FMN1: variants seen among roughly 807,000 people sequenced by gnomAD.
The protein encoded by FMN1 is formin 1, also known as formin-1.
Under a neutral mutation model 132.4 loss-of-function variants are expected in FMN1, and 110 were observed. The ratio of observed to expected loss-of-function variants is 0.83; its 90% confidence interval spans 0.71 to 0.97. The LOEUF (loss-of-function observed/expected upper bound fraction) is 0.97. Among genes scored for constraint, FMN1 ranks in the 50% least tolerant of loss-of-function variants. The pLI, the probability that FMN1 is intolerant of heterozygous loss-of-function variation, is 0.00. For missense variants in FMN1, 1,792 were observed against 1,705.3 expected (o/e 1.05, Z -0.90); for synonymous variants, 722 against 651.7 (o/e 1.11, Z -1.64).
In FMN1 at chr15:32,770,351, T is replaced by C. The variant is rs539331739; in HGVS notation, c.*3959A>G. On this transcript the variant is annotated 3_prime_UTR_variant, in exon 21 of 21. Coordinates refer to ENST00000616417, the MANE Select transcript of FMN1 (RefSeq NM_001277313.2). The stretch of plus-strand genomic sequence containing the variant: ...AGAAGCAGAAACAGAAATGAGGACA[T>C]GTAACTTTCAAGAAAGGAAGAGTAT... 2 of 152,306 alleles carry C rather than the reference T, an allele frequency of 1.3e-5. No individual in the cohort carries two copies. Among genetic ancestry groups the C allele is most frequent in the Non-Finnish European group, 2.9e-5 (2 of 68,016 alleles). 9.4% of individuals were successfully genotyped at this position (152,306 alleles called of 1,614,324 possible). A position where few individuals can be genotyped will look rare whatever the true frequency, so the allele number is the denominator to read the frequency against.
intron 9 of FMN1, among the ~76,000 whole-genome samples, chr15:32,949,980 C>CGTATATATAT (rs1567448979): frequency 1.2e-4 from 1 of 8,126 alleles, no homozygotes; most frequent in African/African-American, 4.0e-4. Context: ...CATATATATA[C>CGTATATATAT]ACACACATAT....
At chr15:33,163,894 A>G (rs1964995922) in intron 3 of FMN1, among the ~76,000 whole-genome samples, 1 of 152,232 alleles carries the variant, frequency 6.6e-6, no homozygotes, top group Non-Finnish European at 1.5e-5. Flanking sequence ...CTGGGATTAC[A>G]GGCGTAAGCC....
At chr15:32,883,156 A>T (rs2059810885) in intron 16 of FMN1, among the ~76,000 whole-genome samples, 1 of 152,150 alleles carries the variant, frequency 6.6e-6, no homozygotes, top group Non-Finnish European at 1.5e-5. Context: ...CAGTAATAGG[A>T]AGAGAAAAGG....
At position 32,915,716 on chromosome 15, in the gene FMN1, G is replaced by C. The variant is rs573048576; in HGVS notation, c.3227-5181C>G. Among the ~76,000 whole-genome samples the C allele has an allele frequency of 3.3e-5, 5 of 152,342 alleles. No homozygotes were observed. In the East Asian group the frequency reaches 9.6e-4, roughly 29 times the overall value. ...ACACTCCTGCAGATGGTGTCAGAAA[G>C]GTGAAGTGTCAAGTCCACAAAGGGG... On this transcript the variant is annotated intron_variant, in intron 10 of 20. Coordinates refer to ENST00000616417, the MANE Select transcript of FMN1 (RefSeq NM_001277313.2).
chr15:32,989,361 G>C (rs1483422130), intron 7 of FMN1, among the ~76,000 whole-genome samples: 1 of 152,208 alleles, frequency 6.6e-6, no homozygotes, highest in Non-Finnish European at 1.5e-5. Context: ...GGAAGCCTTA[G>C]GGAATTAGAG....
chr15:32,794,687 G>A (rs2057218994), intron 19 of FMN1, among the ~76,000 whole-genome samples: 1 of 152,150 alleles, frequency 6.6e-6, no homozygotes, highest in Admixed American at 6.5e-5. Flanking sequence ...TGATTTAACA[G>A]GTGGAAGAAA....
intron 4 of FMN1, among the ~76,000 whole-genome samples, chr15:33,099,221 G>A (rs531557746): frequency 3.3e-5 from 5 of 152,318 alleles, no homozygotes; most frequent in South Asian, 4.1e-4. Context: ...AGCCTGGAAG[G>A]TTGAGGCTGC....
intron 6 of FMN1, among the ~76,000 whole-genome samples, chr15:33,013,856 A>T (rs2034881302): frequency 6.6e-6 from 1 of 152,252 alleles, no homozygotes; most frequent in African/African-American, 2.4e-5. Context: ...TGAGAATAGC[A>T]TCTACATTCT....
intron 17 of FMN1, among the ~76,000 whole-genome samples, chr15:32,828,073 A>G (rs2058413756): frequency 6.6e-6 from 1 of 152,226 alleles, no homozygotes; most frequent in African/African-American, 2.4e-5. Context: ...CAGGTGGATC[A>G]CTTGAGGTTG....
chr15:32,867,685 G>A (rs1321213810), intron 16 of FMN1, among the ~76,000 whole-genome samples: 2 of 152,136 alleles, frequency 1.3e-5, no homozygotes, highest in Non-Finnish European at 1.5e-5. Context: ...TAGAGACGGG[G>A]TTTCACCATG....
chr15:32,897,560 G>C (rs1321814180), intron 15 of FMN1, among the ~76,000 whole-genome samples: 1 of 152,186 alleles, frequency 6.6e-6, no homozygotes, highest in African/African-American at 2.4e-5. Context: ...AAAACATCAG[G>C]TCTTGAGTTG....
intron 17 of FMN1, among the ~76,000 whole-genome samples, chr15:32,840,271 T>C (rs976193250): frequency 1.3e-5 from 2 of 152,140 alleles, no homozygotes; most frequent in African/African-American, 4.8e-5. Flanking sequence ...CAGAGAAAGC[T>C]GGAGGAAGAA....
intron 6 of FMN1, chr15:33,012,834 TG>T: frequency 4.8e-6 from 3 of 629,022 alleles, no homozygotes; most frequent in East Asian, 3.4e-5. Flanking sequence ...ATGGTAGCAG[TG>T]GGGGTGGCTA....
chr15:32,930,760 A>C (rs1464160933), intron 9 of FMN1, among the ~76,000 whole-genome samples: 1 of 152,050 alleles, frequency 6.6e-6, no homozygotes, highest in Non-Finnish European at 1.5e-5. Flanking sequence ...ATATCCAGGA[A>C]ACAACTGCCA....
At chr15:32,974,516 A>C (rs2032044503) in intron 7 of FMN1, among the ~76,000 whole-genome samples, 1 of 152,124 alleles carries the variant, frequency 6.6e-6, no homozygotes, top group Non-Finnish European at 1.5e-5. Context: ...TAGTGGCACA[A>C]TTTTTACCTT....
At chr15:33,020,638 CAAAAAA>C (rs3081420) in intron 6 of FMN1, among the ~76,000 whole-genome samples, 64 of 136,392 alleles carry the variant, frequency 4.7e-4, no homozygotes, top group Admixed American at 9.4e-4. Context: ...AACTCCGTCT[CAAAAAA>C]AAAAAAAAAA....
intron 4 of FMN1, among the ~76,000 whole-genome samples, chr15:33,099,604 T>G (rs1345619271): frequency 6.6e-6 from 1 of 152,192 alleles, no homozygotes; most frequent in African/African-American, 2.4e-5. Flanking sequence ...GTGCCGTTCT[T>G]TCCAGGATGA....
At chr15:33,162,685 T>C (rs148633986) in intron 3 of FMN1, among the ~76,000 whole-genome samples, 106 of 152,344 alleles carry the variant, frequency 7.0e-4, no homozygotes, top group African/African-American at 2.4e-3. Flanking sequence ...GGAAGCAGTA[T>C]GTTCAGCACT....
At chr15:32,981,315 C>T (rs2032639024) in intron 7 of FMN1, among the ~76,000 whole-genome samples, 1 of 151,760 alleles carries the variant, frequency 6.6e-6, no homozygotes, top group Admixed American at 6.6e-5. Context: ...TAAGGTGAAA[C>T]TGCGTCTCTA....
Sources: allele counts gnomAD v4.1 joint callset (sites outside exome capture counted in the v4.1 genomes callset), GRCh38; gene constraint gnomAD v4.1.1; transcripts MANE v1.5; gene names NCBI Gene and HGNC (gene_info 2026-07-23, HGNC 2026-07-21).